The following FBXW10 variants were observed in gnomAD, a reference collection of about 807,000 sequenced individuals.
FBXW10 encodes the protein F-box/WD repeat-containing protein 10.
Under a neutral mutation model 113.1 loss-of-function variants are expected in FBXW10, and 68 were observed. That is an observed-to-expected ratio of 0.60 (90% CI 0.49 to 0.74). The LOEUF (loss-of-function observed/expected upper bound fraction) is 0.74, where lower values mean the gene tolerates loss of function less well. Among genes scored for constraint, FBXW10 ranks in the 30% least tolerant of loss-of-function variants. The pLI is 0.00. For missense variants in FBXW10, 753 were observed against 1,284.5 expected (o/e 0.59, Z 6.32); for synonymous variants, 289 against 481.6 (o/e 0.60, Z 5.24).
intron 10 of FBXW10, among the ~76,000 whole-genome samples, chr17:18,769,009 C>T (rs1237680942): frequency 7.0e-6 from 1 of 143,422 alleles, no homozygotes; most frequent in East Asian, 2.1e-4. Context: ...AATCTTGGCT[C>T]ACTGCAAGCT....
At chr17:18,761,297 G>A (rs571089556) in intron 7 of FBXW10, among the ~76,000 whole-genome samples, 96 of 148,700 alleles carry the variant, frequency 6.5e-4, no homozygotes, top group African/African-American at 2.3e-3. Context: ...ACGGAGTCTC[G>A]CTCTCTCGCC....
At chr17:18,766,051 C>G (rs59130773) in intron 8 of FBXW10, among the ~76,000 whole-genome samples, 32,755 of 151,190 alleles carry the variant, frequency 0.22, 2,959 homozygotes, top group East Asian at 0.48. Flanking sequence ...TTAGAAAACC[C>G]TGTTCTGCCA....
rs1484951314 is a variant in FBXW10 at position 18,750,968 on chromosome 17, A to G, written c.1037A>G (p.Asn346Ser). ...YTRGIDPNYA[N>S]KVSIPVPKMV... ...AGAGGAATTGATCCTAATTATGCCA[A>G]TAAGGTTTCTATCCCAGTTCCTAAA... Residue 346 changes from asparagine (N) to serine (S), a missense_variant, in exon 5 of 14, where the codon AAT (asparagine) becomes AGT (serine). Transcript: ENST00000395665. 4 of 1,613,966 alleles carry G rather than the reference A, an allele frequency of 2.5e-6. No individual in the cohort carries two copies. The highest frequency in any genetic ancestry group is 1.7e-5 in the Admixed American group (1 of 59,994).
chr17:18,772,745 G>C lies in FBXW10; in HGVS notation c.2278+62G>C, dbSNP rs974715552. 17 of 1,447,270 alleles carry C rather than the reference G, an allele frequency of 1.2e-5. No homozygotes were observed. The African/African-American group carries it at 2.0e-4, about 17-fold the overall frequency. The allele number at this position is 1,447,270 out of a possible 1,614,324, so 89.7% of individuals were successfully genotyped here. On this transcript the variant is annotated intron_variant, in intron 12 of 13. Transcript: ENST00000395665. ...CCACAGAGCAGGTCGGGGTTTGGTGGGGGTGGTGGGAGACGGGGAGGACTG... is the reference window on the plus strand; with the variant it reads ...CCACAGAGCAGGTCGGGGTTTGGTGCGGGTGGTGGGAGACGGGGAGGACTG...
intron 1 of FBXW10, among the ~76,000 whole-genome samples, chr17:18,745,901 T>A (rs2035031581): frequency 6.6e-6 from 1 of 152,234 alleles, no homozygotes; most frequent in South Asian, 2.1e-4. Flanking sequence ...TACCTGAGGC[T>A]AAGTAATTTA....
At chr17:18,777,312 C>T (rs540581492) in intron 13 of FBXW10, among the ~76,000 whole-genome samples, 2 of 152,148 alleles carry the variant, frequency 1.3e-5, no homozygotes, top group South Asian at 4.1e-4. Context: ...GATCTACCCA[C>T]CTAGGCCTCC....
At position 18,750,085 on chromosome 17, in the gene FBXW10, A is replaced by T; in HGVS notation, c.947A>T (p.Lys316Met). 2 of 1,613,298 alleles carry T rather than the reference A, an allele frequency of 1.2e-6. No individual in the cohort carries two copies. Among genetic ancestry groups the T allele is most frequent in the Non-Finnish European group, 8.5e-7 (1 of 1,179,726 alleles). ...TGGGCCGCCATGGCTCAACAGGTCA[A>T]GATGGACTTGTCAGCGCACGGCTTC... ...QHWAAMAQQV[K>M]MDLSAHGFIQ... The change falls in exon 4 of 14, where the codon AAG becomes ATG. Residue 316 changes from lysine to methionine, a missense_variant. Physicochemically the swap from Lys to Met is moderately conservative, Grantham distance 95. Transcript: ENST00000395665.
intron 2 of FBXW10, among the ~76,000 whole-genome samples, chr17:18,749,178 A>ACT (rs1280550201): frequency 6.6e-6 from 1 of 151,894 alleles, no homozygotes; most frequent in African/African-American, 2.4e-5. Context: ...ATCATTTCAG[A>ACT]CTCTGATACT....
At chr17:18,771,261 T>A (rs1239285967) in intron 11 of FBXW10, among the ~76,000 whole-genome samples, 2 of 152,202 alleles carry the variant, frequency 1.3e-5, no homozygotes, top group Non-Finnish European at 2.9e-5. Context: ...CCAAAACAAG[T>A]TACTTTTCTA....
At chr17:18,748,239 G>A in intron 2 of FBXW10, 134 bp downstream of exon 2, 1 of 1,442,192 alleles carries the variant, frequency 6.9e-7, no homozygotes, top group Non-Finnish European at 9.2e-7. Context: ...CTAACACGGT[G>A]AAACCCCGTC....
intron 1 of FBXW10, among the ~76,000 whole-genome samples, chr17:18,746,994 T>C (rs2035050974): frequency 6.7e-6 from 1 of 150,254 alleles, no homozygotes; most frequent in Non-Finnish European, 1.5e-5. Context: ...TGATCTTGGC[T>C]CACTGCTGCA....
At chr17:18,763,158 A>ATTT (rs1157017619) in intron 7 of FBXW10, among the ~76,000 whole-genome samples, 1 of 142,890 alleles carries the variant, frequency 7.0e-6, no homozygotes. Context: ...AGTAAGTACA[A>ATTT]TTTTTTTTTT....
At chr17:18,772,014 C>T (rs997626995) in intron 11 of FBXW10, among the ~76,000 whole-genome samples, 10 of 151,932 alleles carry the variant, frequency 6.6e-5, no homozygotes, top group African/African-American at 1.9e-4. Context: ...GGCTGAGGCA[C>T]GAGAATCGCT....
intron 7 of FBXW10, among the ~76,000 whole-genome samples, chr17:18,759,801 G>C (rs1396679350): frequency 6.6e-6 from 1 of 152,044 alleles, no homozygotes; most frequent in Non-Finnish European, 1.5e-5. Flanking sequence ...TTTTTTAGTA[G>C]AGAAGGGGTT....
At position 18,775,166 on chromosome 17, in the gene FBXW10, G is replaced by A; in HGVS notation, c.2309G>A (p.Gly770Glu). ...AVLIEELQSQ[G>E]KSKSPRRDAD... ...TTAATAGAGGAACTTCAAAGTCAAG[G>A]AAAGTCAAAATCACCCCGAAGAGAT... is the stretch of plus-strand genomic sequence containing the variant. The change falls in exon 13 of 14, where the codon GGA becomes GAA. Residue 770 changes from glycine to glutamate, a missense_variant. Coordinates refer to ENST00000395665, the MANE Select transcript of FBXW10 (RefSeq NM_001267585.2). The A allele has an allele frequency of 1.9e-6, 3 of 1,611,278 alleles. No individual in the cohort carries two copies. The highest frequency in any genetic ancestry group is 2.5e-6 in the Non-Finnish European group (3 of 1,177,440).
At chr17:18,777,165 G>A (rs1245543974) in intron 13 of FBXW10, among the ~76,000 whole-genome samples, 2 of 150,462 alleles carry the variant, frequency 1.3e-5, no homozygotes, top group African/African-American at 2.4e-5. Context: ...GAGTTCAAGC[G>A]ATTCTCCTGC....
At chr17:18,752,565 T>C (rs1266006680) in intron 5 of FBXW10, among the ~76,000 whole-genome samples, 1 of 151,852 alleles carries the variant, frequency 6.6e-6, no homozygotes, top group Non-Finnish European at 1.5e-5. Flanking sequence ...ATACAAAAAA[T>C]TAGCCAGGCA....
chr17:18,753,318 G>T lies in FBXW10; in HGVS notation c.1122+2265G>T, dbSNP rs9892842. On this transcript the variant is annotated intron_variant, in intron 5 of 13. Transcript: ENST00000395665. Reference sequence around the variant, plus strand: ...TAGTGAAGCTAAAGCAGACTCGGGGGTATGCCTGCAGCTGCAGAAAGATGT... The same window carrying T: ...TAGTGAAGCTAAAGCAGACTCGGGGTTATGCCTGCAGCTGCAGAAAGATGT... Among the ~76,000 whole-genome samples the T allele has an allele frequency of 1.0e-3, 154 of 152,070 alleles. 1 individual carries two copies. The highest frequency in any genetic ancestry group is 3.4e-3 in the African/African-American group (139 of 41,468).
At chr17:18,770,406 C>A (rs1422677566) in intron 11 of FBXW10, among the ~76,000 whole-genome samples, 1 of 151,946 alleles carries the variant, frequency 6.6e-6, no homozygotes, top group Non-Finnish European at 1.5e-5. Context: ...CGGGTTCAAG[C>A]AATTCTCTGC....
Sources: allele counts gnomAD v4.1 joint callset (sites outside exome capture counted in the v4.1 genomes callset), GRCh38; gene constraint gnomAD v4.1.1; transcripts MANE v1.5; gene names NCBI Gene and HGNC (gene_info 2026-07-23, HGNC 2026-07-21).